The following THADA variants were observed in gnomAD, a reference collection of about 807,000 sequenced individuals.
The protein encoded by THADA is tRNA (32-2'-O)-methyltransferase regulator THADA.
A neutral mutation model predicts 219.8 loss-of-function variants in THADA; 213 were observed. The ratio of observed to expected loss-of-function variants is 0.97; its 90% CI spans 0.87 to 1.09. The LOEUF (loss-of-function observed/expected upper bound fraction) is 1.09, where lower values mean the gene tolerates loss of function less well. THADA is among the 50% of genes least tolerant of loss of function. The probability of loss-of-function intolerance (pLI) is 0.00; values close to 1 mark genes in which losing one functional copy is unlikely to be tolerated. For synonymous variants in THADA, 1,018 were observed against 828.9 expected (o/e 1.23, Z -3.92); for missense variants, 2,956 against 2,311.3 (o/e 1.28, Z -5.72).
intron 20 of THADA, among the ~76,000 whole-genome samples, chr2:43,541,611 C>A (rs1431533972): frequency 2.0e-5 from 3 of 151,894 alleles, no homozygotes; most frequent in Non-Finnish European, 4.4e-5. Context: ...CAGGCTCATG[C>A]AATCCTTCTA....
At chr2:43,380,546 AC>A in intron 29 of THADA, among the ~76,000 whole-genome samples, 1 of 152,358 alleles carries the variant, frequency 6.6e-6, no homozygotes, top group South Asian at 2.1e-4. Context: ...TAGCTTAAAT[AC>A]AGTTGCAGAA....
At chr2:43,586,549 T>C in intron 6 of THADA, 100 bp from the exon 7 acceptor site, 1 of 1,339,264 alleles carries the variant, frequency 7.5e-7, no homozygotes, top group South Asian at 1.5e-5. Flanking sequence ...AATGATATCA[T>C]GATATGGAAA....
intron 29 of THADA, among the ~76,000 whole-genome samples, chr2:43,387,660 C>T (rs535396061): frequency 2.0e-5 from 3 of 152,274 alleles, no homozygotes; most frequent in East Asian, 1.9e-4. Flanking sequence ...CCCCCGCCTC[C>T]GCCCCCTGCC....
rs1558965590 is a variant in THADA at position 43,556,435 on chromosome 2, G to A, written c.2584C>T (p.Pro862Ser). Residue 862 changes from proline (P) to serine (S), a missense_variant, in exon 17 of 38, where the codon CCG (proline) becomes TCG (serine). By Grantham distance (74) the Pro-to-Ser change is moderately conservative. Transcript: ENST00000405975. ...LNFLIWQDAL[P>S]SSLSAYLTQQ... ...GTTAAGTAGGCAGACAAGGATGACG[G>A]TAGAGCATCCTGCCAGATTAAGAAG... is the stretch of plus-strand genomic sequence containing the variant. The A allele has an allele frequency of 1.2e-6, 2 of 1,613,816 alleles. No individual in the cohort carries two copies. The highest frequency in any genetic ancestry group is 2.2e-5 in the South Asian group (2 of 91,066).
chr2:43,443,572 G>T (rs973331505), intron 26 of THADA, among the ~76,000 whole-genome samples: 1 of 152,116 alleles, frequency 6.6e-6, no homozygotes, highest in African/African-American at 2.4e-5. Context: ...TCAAAAACCA[G>T]CCTGGAAAAC....
chr2:43,258,106 G>C (rs534573838), intron 36 of THADA, among the ~76,000 whole-genome samples: 11 of 152,142 alleles, frequency 7.2e-5, no homozygotes, highest in African/African-American at 2.7e-4. Flanking sequence ...AGCGGCCCAC[G>C]GAGCAGGCTT....
intron 26 of THADA, among the ~76,000 whole-genome samples, chr2:43,480,509 T>C (rs1234531494): frequency 6.6e-6 from 1 of 152,084 alleles, no homozygotes; most frequent in East Asian, 1.9e-4. Context: ...AAATTAGAAC[T>C]GTTTGGGTTT....
intron 30 of THADA, among the ~76,000 whole-genome samples, chr2:43,339,746 T>A (rs1481422551): frequency 6.6e-6 from 1 of 152,100 alleles, no homozygotes; most frequent in Non-Finnish European, 1.5e-5. Context: ...TAATTACAAC[T>A]CTTAGCCAAA....
Position 43,552,252 on chromosome 2 carries a change from T to C in THADA, c.2762A>G (p.Tyr921Cys), listed in dbSNP as rs377003542. 4.3e-6 allele frequency: 7 copies of C among 1,611,826 alleles called. No homozygotes were observed. The highest frequency in any genetic ancestry group is 5.9e-6 in the Non-Finnish European group (7 of 1,179,414). Reference sequence around the variant, plus strand: ...TCCTGTTATACAGTGGACTCGCCCATACATTGGAAATGCTGCTGCTGCCTG... The same window carrying C: ...TCCTGTTATACAGTGGACTCGCCCACACATTGGAAATGCTGCTGCTGCCTG... The part of the protein sequence containing the change: ...LLQAAAAFPM[Y>C]GRVHCITGAL... Residue 921 changes from tyrosine (Y) to cysteine (C), a missense_variant, in exon 18 of 38, where the codon TAT (tyrosine) becomes TGT (cysteine). Transcript: ENST00000405975.
intron 34 of THADA, among the ~76,000 whole-genome samples, chr2:43,291,017 C>G (rs1474908748): frequency 6.6e-6 from 1 of 151,932 alleles, no homozygotes; most frequent in Non-Finnish European, 1.5e-5. Context: ...GGTTGCAATC[C>G]TAAATACTTT....
chr2:43,540,628 T>C (rs945910169), intron 21 of THADA, among the ~76,000 whole-genome samples: 3 of 152,194 alleles, frequency 2.0e-5, no homozygotes, highest in African/African-American at 7.2e-5. Flanking sequence ...AATGAAATGC[T>C]TGTGGTAAGC....
At chr2:43,540,217 G>C (rs1695121043) in intron 21 of THADA, among the ~76,000 whole-genome samples, 1 of 152,230 alleles carries the variant, frequency 6.6e-6, no homozygotes, top group Admixed American at 6.5e-5. Flanking sequence ...ACGCCTATTT[G>C]ATTTGGAAGA....
rs571556086 is a variant in THADA, at chr2:43,306,398, C to G, written c.4439-13185G>C. ...ACCATGACCCTGTTTAATTTAAACT[C>G]TAACTCACAAAGGACCTGGGGCTTC... is the stretch of plus-strand genomic sequence containing the variant. On this transcript the variant is annotated intron_variant, in intron 31 of 37. Coordinates refer to ENST00000405975, the MANE Select transcript of THADA (RefSeq NM_022065.5). 3.9e-5 allele frequency among the ~76,000 whole-genome samples: 6 copies of G among 152,296 alleles called. No individual in the cohort carries two copies. In the South Asian group the frequency reaches 1.2e-3, roughly 32 times the overall value.
intron 28 of THADA, among the ~76,000 whole-genome samples, chr2:43,402,695 C>T (rs931325413): frequency 2.6e-5 from 4 of 152,192 alleles, no homozygotes; most frequent in Admixed American, 2.0e-4. Flanking sequence ...AAAATCACTG[C>T]CTAGGCCACA....
intron 29 of THADA, among the ~76,000 whole-genome samples, chr2:43,379,406 A>C (rs763173587): frequency 3.7e-4 from 57 of 152,190 alleles, no homozygotes; most frequent in Non-Finnish European, 7.2e-4. Flanking sequence ...AGAACCAAAA[A>C]AGTTCAATGA....
chr2:43,326,809 T>A (rs1453358847), intron 30 of THADA, among the ~76,000 whole-genome samples: 1 of 152,158 alleles, frequency 6.6e-6, no homozygotes. Flanking sequence ...CTTGGTGGGC[T>A]TCCTGGAAGA....
intron 30 of THADA, among the ~76,000 whole-genome samples, chr2:43,326,309 CAG>C (rs1193947186): frequency 1.3e-5 from 2 of 151,892 alleles, no homozygotes. Flanking sequence ...AGGGCCTTGG[CAG>C]AGAGTTGGAG....
chr2:43,520,739 CACACAT>C (rs1448863504), intron 22 of THADA, among the ~76,000 whole-genome samples: 4 of 151,038 alleles, frequency 2.6e-5, no homozygotes, highest in Admixed American at 6.6e-5. Context: ...CACACACACA[CACACAT>C]ATATATCAAC....
At chr2:43,431,471 T>C (rs533950775) in intron 26 of THADA, among the ~76,000 whole-genome samples, 24 of 152,254 alleles carry the variant, frequency 1.6e-4, no homozygotes, top group Non-Finnish European at 2.2e-4. Flanking sequence ...CATTTTTGTT[T>C]GTTTGTTTTT....
Sources: allele counts gnomAD v4.1 joint callset (sites outside exome capture counted in the v4.1 genomes callset), GRCh38; gene constraint gnomAD v4.1.1; transcripts MANE v1.5; gene names NCBI Gene and HGNC (gene_info 2026-07-23, HGNC 2026-07-21).